Variants in PTPRD observed in about 807,000 individuals in gnomAD.
PTPRD encodes the protein protein tyrosine phosphatase receptor type D.
A neutral mutation model predicts 214.5 loss-of-function variants in PTPRD; 34 were observed. The observed-to-expected ratio is 0.16, with a 90% CI of 0.12 to 0.21. The LOEUF (loss-of-function observed/expected upper bound fraction) is 0.21. PTPRD is among the 10% of genes least tolerant of loss of function. The probability of loss-of-function intolerance (pLI) is 1.00; values close to 1 mark genes in which losing one functional copy is unlikely to be tolerated. For synonymous variants in PTPRD, 1,128 were observed against 845.7 expected, an observed-to-expected ratio of 1.33 and a Z score of -5.79; for missense variants, 2,545 against 2,398.7, an observed-to-expected ratio of 1.06 and a Z score of -1.27.
At chr9:9,534,948 A>C (rs2076220451) in intron 8 of PTPRD, among the ~76,000 whole-genome samples, 1 of 152,078 alleles carries the variant, frequency 6.6e-6, no homozygotes. Flanking sequence ...GGACTGCAAT[A>C]CAACTGTAAA....
intron 5 of PTPRD, among the ~76,000 whole-genome samples, chr9:9,815,582 C>T (rs990933541): frequency 6.6e-6 from 1 of 152,058 alleles, no homozygotes; most frequent in Non-Finnish European, 1.5e-5. Context: ...AGAAATCCTA[C>T]AGACTGGGAA....
chr9:8,499,493 T>C (rs867079114), intron 25 of PTPRD, among the ~76,000 whole-genome samples, 154 bp downstream of exon 25: 15 of 152,332 alleles, frequency 9.8e-5, no homozygotes, highest in Middle Eastern at 3.4e-3. Flanking sequence ...GTAACTCTGA[T>C]TGAAAAGATC....
At chr9:10,421,490 T>C (rs1350304921) in intron 2 of PTPRD, among the ~76,000 whole-genome samples, 1 of 151,906 alleles carries the variant, frequency 6.6e-6, no homozygotes, top group African/African-American at 2.4e-5. Context: ...AACTAACAAA[T>C]ATAATAAAAT....
At chr9:9,448,040 G>A (rs181273668) in intron 8 of PTPRD, among the ~76,000 whole-genome samples, 20 of 152,188 alleles carry the variant, frequency 1.3e-4, no homozygotes, top group East Asian at 7.8e-4. Flanking sequence ...GAACTGACTT[G>A]TGTTTGAAGG....
intron 3 of PTPRD, among the ~76,000 whole-genome samples, chr9:10,328,892 T>C (rs2096697930): frequency 6.6e-6 from 1 of 151,786 alleles, no homozygotes; most frequent in Admixed American, 6.6e-5. Context: ...CTAGCCCAGT[T>C]CTTTCGCACC....
rs928851412 is a variant in PTPRD, at chr9:9,833,685, G to C, written c.-367-66834C>G. ...TAAGAGACAGGTACGCTCCGGAGAGGGGGGCAGTTCAGAGACCTACCCCTA... is the reference window on the plus strand; with the variant it reads ...TAAGAGACAGGTACGCTCCGGAGAGCGGGGCAGTTCAGAGACCTACCCCTA... On this transcript the variant is annotated intron_variant, in intron 5 of 45. Coordinates refer to ENST00000381196, the MANE Select transcript of PTPRD (RefSeq NM_002839.4). Among the ~76,000 whole-genome samples, 37 of 146,328 alleles carry C rather than the reference G, an allele frequency of 2.5e-4. 3 individuals carry two copies. In the East Asian group the frequency reaches 4.0e-3, roughly 16 times the overall value.
At chr9:10,449,071 G>A (rs1400896508) in intron 2 of PTPRD, among the ~76,000 whole-genome samples, 2 of 151,298 alleles carry the variant, frequency 1.3e-5, no homozygotes, top group Admixed American at 6.6e-5. Flanking sequence ...CACTTTCCAC[G>A]GTCTCCCTCT....
chr9:9,834,408 G>C (rs1204069815), intron 5 of PTPRD, among the ~76,000 whole-genome samples: 9 of 152,022 alleles, frequency 5.9e-5, no homozygotes. Flanking sequence ...TGAGAACCCT[G>C]AACTCCACAA....
chr9:8,721,723 T>C (rs2098501145), intron 12 of PTPRD, among the ~76,000 whole-genome samples: 1 of 152,186 alleles, frequency 6.6e-6, no homozygotes, highest in South Asian at 2.1e-4. Flanking sequence ...AACTGAGACA[T>C]AAAGTGATAA....
intron 3 of PTPRD, among the ~76,000 whole-genome samples, chr9:10,148,159 A>G (rs546480192): frequency 6.6e-6 from 1 of 152,292 alleles, no homozygotes; most frequent in East Asian, 1.9e-4. Context: ...CAAACAAGCC[A>G]AAGAAATCGG....
intron 5 of PTPRD, among the ~76,000 whole-genome samples, chr9:9,905,051 T>G (rs1289552606): frequency 6.6e-6 from 1 of 152,074 alleles, no homozygotes; most frequent in Non-Finnish European, 1.5e-5. Context: ...TAATATTCAT[T>G]GTGATCTACT....
intron 2 of PTPRD, among the ~76,000 whole-genome samples, chr9:10,395,512 A>G (rs909270296): frequency 6.6e-6 from 1 of 151,964 alleles, no homozygotes. Context: ...AATTAAACTT[A>G]TCCAATATAC....
At chr9:9,748,726 C>G (rs1241789616) in intron 6 of PTPRD, among the ~76,000 whole-genome samples, 3 of 152,088 alleles carry the variant, frequency 2.0e-5, no homozygotes, top group East Asian at 1.9e-4. Flanking sequence ...GTTTCTTTGG[C>G]CTTTAACTTA....
intron 8 of PTPRD, among the ~76,000 whole-genome samples, chr9:9,445,696 C>T (rs2090155471): frequency 6.6e-6 from 1 of 152,028 alleles, no homozygotes. Flanking sequence ...GGGTAAATGC[C>T]CCCATGATTC....
intron 7 of PTPRD, among the ~76,000 whole-genome samples, chr9:9,678,416 A>C (rs532484044): frequency 6.6e-6 from 1 of 152,210 alleles, no homozygotes; most frequent in South Asian, 2.1e-4. Context: ...ATAATGCCGC[A>C]TATCTACAAC....
At chr9:9,760,694 A>C (rs145048327) in intron 6 of PTPRD, among the ~76,000 whole-genome samples, 1 of 151,842 alleles carries the variant, frequency 6.6e-6, no homozygotes, top group Non-Finnish European at 1.5e-5. Context: ...CGTGTACTCA[A>C]AACTCAGCAG....
At chr9:9,567,015 G>A (rs1158228204) in intron 8 of PTPRD, among the ~76,000 whole-genome samples, 3 of 151,978 alleles carry the variant, frequency 2.0e-5, no homozygotes, top group Non-Finnish European at 4.4e-5. Context: ...GTCCATTGCC[G>A]AGAGAGGTCA....
chr9:9,393,968 G>A (rs1212111972), intron 9 of PTPRD, among the ~76,000 whole-genome samples: 2 of 152,104 alleles, frequency 1.3e-5, no homozygotes, highest in Admixed American at 1.3e-4. Flanking sequence ...GATAGCTAGT[G>A]CTTTCATGAT....
intron 11 of PTPRD, among the ~76,000 whole-genome samples, chr9:8,945,993 G>C (rs577213317): frequency 3.3e-5 from 5 of 152,056 alleles, no homozygotes; most frequent in Non-Finnish European, 7.4e-5. Flanking sequence ...TGTTCCCCTA[G>C]GAAAGTCCTC....
Sources: gnomAD v4.1 joint callset for allele counts (sites outside exome capture counted in the v4.1 genomes callset) on GRCh38, gnomAD v4.1.1 for gene constraint, MANE v1.5 for transcripts, NCBI Gene and HGNC (gene_info 2026-07-23, HGNC 2026-07-21) for gene names.